Variants in ARSB observed in about 807,000 individuals in gnomAD.
The protein encoded by ARSB is arylsulfatase B, also known as N-acetylgalactosamine-4-sulfatase.
ARSB carries 41 observed loss-of-function variants against 50.9 expected under a neutral mutation model. That is an observed-to-expected ratio of 0.81 (90% CI 0.63 to 1.04). ARSB has a LOEUF of 1.04. ARSB is among the 50% of genes least tolerant of loss of function. The pLI, the probability that ARSB is intolerant of heterozygous loss-of-function variation, is 0.00. For missense variants in ARSB, 672 were observed against 693.3 expected, an observed-to-expected ratio of 0.97 and a Z score of 0.35; for synonymous variants, 269 against 284.8, an observed-to-expected ratio of 0.94 and a Z score of 0.56.
chr5:78,831,312 G>A (rs1486577906), intron 6 of ARSB, among the ~76,000 whole-genome samples: 1 of 151,852 alleles, frequency 6.6e-6, no homozygotes, highest in Admixed American at 6.6e-5. Context: ...AGGTGACACT[G>A]CCCACCCCAC....
chr5:78,933,551 A>C (rs1001606542), intron 4 of ARSB, among the ~76,000 whole-genome samples: 7 of 152,222 alleles, frequency 4.6e-5, no homozygotes, highest in Non-Finnish European at 8.8e-5. Context: ...TTTTCAGAGA[A>C]GTCTGCTGAG....
intron 1 of ARSB, among the ~76,000 whole-genome samples, chr5:78,973,297 A>G (rs1030668651): frequency 6.6e-6 from 1 of 152,202 alleles, no homozygotes; most frequent in African/African-American, 2.4e-5. Context: ...TTACTTCCCT[A>G]TCTACCATGT....
chr5:78,982,634 A>G (rs976591183), intron 1 of ARSB, among the ~76,000 whole-genome samples: 1 of 152,242 alleles, frequency 6.6e-6, no homozygotes, highest in Non-Finnish European at 1.5e-5. Context: ...TCCTTGTTAC[A>G]GAACAGAGAT....
intron 3 of ARSB, among the ~76,000 whole-genome samples, chr5:78,962,882 G>A (rs1752052925): frequency 6.6e-6 from 1 of 152,178 alleles, no homozygotes; most frequent in South Asian, 2.1e-4. Flanking sequence ...ATTCAGGGAA[G>A]ATTTCCAATA....
chr5:78,879,886 G>T (rs1433420674), intron 5 of ARSB, among the ~76,000 whole-genome samples: 2 of 151,980 alleles, frequency 1.3e-5, no homozygotes, highest in Non-Finnish European at 2.9e-5. Context: ...AATGAGAGCG[G>T]TTTTTTGCTT....
intron 4 of ARSB, among the ~76,000 whole-genome samples, chr5:78,908,731 C>T (rs907874345): frequency 7.1e-6 from 1 of 140,406 alleles, no homozygotes; most frequent in Non-Finnish European, 1.5e-5. Flanking sequence ...CTGGCCAAGA[C>T]TTTTTTTTTT....
chr5:78,980,611 A>G (rs1196250315), intron 1 of ARSB, among the ~76,000 whole-genome samples: 1 of 152,228 alleles, frequency 6.6e-6, no homozygotes, highest in African/African-American at 2.4e-5. Flanking sequence ...GGAGCTGCAG[A>G]TCAGTGTGAA....
chr5:78,815,536 C>CA (rs376477928), intron 6 of ARSB: 1 of 986,464 alleles, frequency 1.0e-6, no homozygotes, highest in African/African-American at 1.8e-5. Context: ...GGCAGCCTGT[C>CA]AAAAAAGGTG....
At chr5:78,866,125 C>T (rs1366362963) in intron 5 of ARSB, among the ~76,000 whole-genome samples, 2 of 152,128 alleles carry the variant, frequency 1.3e-5, no homozygotes, top group Non-Finnish European at 2.9e-5. Context: ...CTGTATTACT[C>T]TGTTTTCATG....
At chr5:78,811,933 AT>A (rs149487163) in intron 6 of ARSB, among the ~76,000 whole-genome samples, 51 of 150,622 alleles carry the variant, frequency 3.4e-4, no homozygotes, top group South Asian at 8.4e-4. Context: ...TCATCCATAC[AT>A]TTTTTTTTTC....
At chr5:78,973,790 A>C (rs1473185649) in intron 1 of ARSB, among the ~76,000 whole-genome samples, 1 of 152,198 alleles carries the variant, frequency 6.6e-6, no homozygotes, top group Non-Finnish European at 1.5e-5. Flanking sequence ...TCCTCACCTC[A>C]ACAGTGTTGA....
chr5:78,937,162 T>C (rs1220473457), intron 4 of ARSB, among the ~76,000 whole-genome samples: 3 of 151,428 alleles, frequency 2.0e-5, no homozygotes, highest in East Asian at 1.9e-4. Flanking sequence ...ACCTTCAAAA[T>C]GGAGTGCAAA....
chr5:78,975,265 A>G (rs1752617106), intron 1 of ARSB, among the ~76,000 whole-genome samples: 1 of 152,248 alleles, frequency 6.6e-6, no homozygotes, highest in Non-Finnish European at 1.5e-5. Flanking sequence ...GCTCAGGCAG[A>G]GCGCCTGCAC....
intron 1 of ARSB, 106 bp downstream of exon 1, chr5:78,984,831 C>T (rs1458894138): frequency 2.1e-6 from 2 of 960,104 alleles, no homozygotes; most frequent in Non-Finnish European, 2.6e-6. Flanking sequence ...GTCGGCGGTC[C>T]GAGCCCCGCC....
chr5:78,836,544 A>AGAGAAGTAAATGTCCTTACAGTCTAT (rs1744962875), intron 6 of ARSB, among the ~76,000 whole-genome samples: 2 of 152,242 alleles, frequency 1.3e-5, no homozygotes, highest in Non-Finnish European at 2.9e-5. Context: ...ACTGAGTCCA[A>AGAGAAGTAAATGTCCTTACAGTCTAT]GAGAAGTAAA....
At chr5:78,948,349 A>C (rs1339014986) in intron 4 of ARSB, among the ~76,000 whole-genome samples, 1 of 152,224 alleles carries the variant, frequency 6.6e-6, no homozygotes, top group Non-Finnish European at 1.5e-5. Flanking sequence ...AGATATCCCC[A>C]TTACCCAGAT....
At position 78,844,024 on chromosome 5, in the gene ARSB, A is replaced by AT. The variant is rs1353625418; in HGVS notation, c.1143-4599dup. On this transcript the variant is annotated intron_variant, in intron 5 of 7. Coordinates refer to ENST00000264914, the MANE Select transcript of ARSB (RefSeq NM_000046.5). ...ATCCTACTATGAACATTCATGTACAATTTTTTGTGTGGGCATTCGTTTTCA... is the reference window on the plus strand; with the variant it reads ...ATCCTACTATGAACATTCATGTACAATTTTTTTGTGTGGGCATTCGTTTTCA... Among the ~76,000 whole-genome samples the AT allele has an allele frequency of 3.3e-5, 5 of 152,248 alleles. No individual in the cohort carries two copies. In the East Asian group the frequency reaches 7.7e-4, roughly 23 times the overall value.
chr5:78,909,394 A>G lies in ARSB; in HGVS notation c.899-23567T>C, dbSNP rs529991755. Among the ~76,000 whole-genome samples, 7 of 152,298 alleles carry G rather than the reference A, an allele frequency of 4.6e-5. No homozygotes were observed. The South Asian group carries it at 1.5e-3, about 32-fold the overall frequency. On this transcript the variant is annotated intron_variant, in intron 4 of 7. Coordinates refer to ENST00000264914, the MANE Select transcript of ARSB (RefSeq NM_000046.5). ...AGGGAAAAGAGAGAGAGATCAGACCATTACTGTCTCTATGTAGAAAGGGAA... is the reference window on the plus strand; with the variant it reads ...AGGGAAAAGAGAGAGAGATCAGACCGTTACTGTCTCTATGTAGAAAGGGAA...
intron 4 of ARSB, among the ~76,000 whole-genome samples, chr5:78,939,979 T>G (rs1037844201): frequency 2.6e-5 from 4 of 152,240 alleles, no homozygotes; most frequent in African/African-American, 9.6e-5. Context: ...CCATTCTAAC[T>G]GGTGTGAGAT....
Sources: allele counts gnomAD v4.1 joint callset (sites outside exome capture counted in the v4.1 genomes callset), GRCh38; gene constraint gnomAD v4.1.1; transcripts MANE v1.5; gene names NCBI Gene and HGNC (gene_info 2026-07-23, HGNC 2026-07-21).